MFHAS1: variants seen among roughly 807,000 people sequenced by gnomAD.
MFHAS1 encodes the protein malignant fibrous histiocytoma-amplified sequence 1.
In MFHAS1, 50 loss-of-function variants were observed where a neutral mutation model predicts 70.4. The observed-to-expected ratio is 0.71, with a 90% CI of 0.57 to 0.90. The LOEUF (loss-of-function observed/expected upper bound fraction) is 0.90. Ranked by LOEUF, MFHAS1 falls within the 40% of genes least tolerant of loss-of-function variation. The pLI, the probability that MFHAS1 is intolerant of heterozygous loss-of-function variation, is 0.00. For missense variants in MFHAS1, 1,795 were observed against 1,347.6 expected, an observed-to-expected ratio of 1.33 and a Z score of -5.20; for synonymous variants, 952 against 620.0, an observed-to-expected ratio of 1.54 and a Z score of -7.96.
intron 1 of MFHAS1, among the ~76,000 whole-genome samples, chr8:8,879,631 T>G (rs1443802802): frequency 1.3e-5 from 2 of 151,988 alleles, no homozygotes; most frequent in Non-Finnish European, 2.9e-5. Flanking sequence ...TCTGGAAAAA[T>G]CAAAAGCCAG....
intron 1 of MFHAS1, among the ~76,000 whole-genome samples, chr8:8,826,381 C>T (rs776133050): frequency 2.0e-5 from 3 of 152,032 alleles, no homozygotes; most frequent in Non-Finnish European, 2.9e-5. Context: ...AAATTTTTGC[C>T]TTGACAGATT....
chr8:8,889,541 T>C (rs1173194225), intron 1 of MFHAS1, among the ~76,000 whole-genome samples: 1 of 152,262 alleles, frequency 6.6e-6, no homozygotes, highest in African/African-American at 2.4e-5. Flanking sequence ...CTGATTTCTA[T>C]GCATTGCATG....
At position 8,892,266 on chromosome 8, in the gene MFHAS1, G is replaced by A. The variant is rs1810091127; in HGVS notation, c.793C>T (p.Leu265=). 2 of 1,612,240 alleles carry A rather than the reference G, an allele frequency of 1.2e-6. No individual in the cohort carries two copies. Among genetic ancestry groups the A allele is most frequent in the African/African-American group, 1.3e-5 (1 of 74,936 alleles). ...LMLDNNGLQA[L]PAQFSCLQRL... is the part of the protein sequence containing the mutation. ...TGCAGGCAGCTGAACTGGGCGGGCA[G>A]AGCCTGCAGCCCGTTGTTGTCTAGC... is the stretch of plus-strand genomic sequence containing the variant. The change falls in exon 1 of 3, where the codon CTG becomes TTG. Residue 265 remains leucine, a synonymous_variant. Coordinates refer to ENST00000276282, the MANE Select transcript of MFHAS1 (RefSeq NM_004225.3). The surrounding 1 kb of genome is among the most constrained non-coding windows in gnomAD (Gnocchi z 4.7).
intron 1 of MFHAS1, among the ~76,000 whole-genome samples, chr8:8,875,496 G>C (rs1184666111): frequency 3.9e-5 from 6 of 152,142 alleles, no homozygotes; most frequent in Non-Finnish European, 7.3e-5. Flanking sequence ...TAAAACCTAA[G>C]CTTAAGGAGG....
At chr8:8,870,245 G>A (rs537438471) in intron 1 of MFHAS1, among the ~76,000 whole-genome samples, 161 of 149,992 alleles carry the variant, frequency 1.1e-3, no homozygotes, top group African/African-American at 3.3e-3. Context: ...CTTAAGCACA[G>A]GAGTTCAAGA....
In MFHAS1 at chr8:8,893,437, G is replaced by C. The variant is rs1810182384; in HGVS notation, c.-379C>G. 6.9e-6 allele frequency: 1 copy of C among 145,966 alleles called. No homozygotes were observed. The highest frequency in any genetic ancestry group is 1.5e-5 in the Non-Finnish European group (1 of 65,634). The allele number at this position is 145,966 out of a possible 1,614,324, so 9.0% of individuals were successfully genotyped here. On this transcript the variant is annotated 5_prime_UTR_variant, in exon 1 of 3. Coordinates refer to ENST00000276282, the MANE Select transcript of MFHAS1 (RefSeq NM_004225.3). ...CCCTCGCAGCCGCGGTCCCGCGGCCGGCAGCGGCGTCGCCTCCTCGAGCTC... is the reference window on the plus strand; with the variant it reads ...CCCTCGCAGCCGCGGTCCCGCGGCCCGCAGCGGCGTCGCCTCCTCGAGCTC...
chr8:8,824,521 T>TCACACACACACACA (rs57194505), intron 1 of MFHAS1, among the ~76,000 whole-genome samples: 4 of 145,912 alleles, frequency 2.7e-5, no homozygotes, highest in East Asian at 2.0e-4. Flanking sequence ...TCTCTCTCTT[T>TCACACACACACACA]CACACACACA....
At chr8:8,788,790 C>T (rs181430198) in intron 2 of MFHAS1, among the ~76,000 whole-genome samples, 27 of 152,334 alleles carry the variant, frequency 1.8e-4, no homozygotes, top group Admixed American at 7.8e-4. Context: ...TTGGCCTCAG[C>T]GACCAATGGG....
chr8:8,866,595 G>C (rs924390881), intron 1 of MFHAS1, among the ~76,000 whole-genome samples: 1 of 152,148 alleles, frequency 6.6e-6, no homozygotes, highest in African/African-American at 2.4e-5. Flanking sequence ...TGGGATTACA[G>C]GCATGAGCCA....
At chr8:8,877,246 G>A (rs1460914758) in intron 1 of MFHAS1, among the ~76,000 whole-genome samples, 1 of 136,046 alleles carries the variant, frequency 7.4e-6, no homozygotes, top group Non-Finnish European at 1.5e-5. Context: ...GCTTTAGTGA[G>A]CTGTGACTGT....
At chr8:8,870,550 T>C (rs1355545981) in intron 1 of MFHAS1, among the ~76,000 whole-genome samples, 2 of 152,122 alleles carry the variant, frequency 1.3e-5, no homozygotes, top group South Asian at 2.1e-4. Flanking sequence ...TGCCAGTAAT[T>C]TGTACAGCCC....
intron 1 of MFHAS1, among the ~76,000 whole-genome samples, chr8:8,885,385 C>T (rs1440895286): frequency 6.6e-6 from 1 of 152,162 alleles, no homozygotes; most frequent in Non-Finnish European, 1.5e-5. Flanking sequence ...CACTAAGACA[C>T]ACTCTTCCAA....
At chr8:8,845,488 G>A (rs1585048251) in intron 1 of MFHAS1, among the ~76,000 whole-genome samples, 1 of 152,196 alleles carries the variant, frequency 6.6e-6, no homozygotes, top group Admixed American at 6.5e-5. Flanking sequence ...CTGTGAGGCT[G>A]CCGGAAACAG....
intron 1 of MFHAS1, among the ~76,000 whole-genome samples, chr8:8,811,311 A>C (rs1806537551): frequency 1.5e-5 from 2 of 136,486 alleles, no homozygotes; most frequent in Admixed American, 1.4e-4. Context: ...CCAGAATAAA[A>C]ATTTTTTTTT....
intron 1 of MFHAS1, among the ~76,000 whole-genome samples, chr8:8,881,099 G>A (rs1043357695): frequency 5.3e-5 from 8 of 152,062 alleles, no homozygotes; most frequent in African/African-American, 9.7e-5. Context: ...CTGCTCCAAC[G>A]TGCACTTTTT....
rs757496547 is a variant in MFHAS1, at chr8:8,891,848, G to A, written c.1211C>T (p.Pro404Leu). The A allele has an allele frequency of 1.9e-6, 3 of 1,612,832 alleles. No individual in the cohort carries two copies. The highest frequency in any genetic ancestry group is 3.3e-5 in the Admixed American group (2 of 59,998). The change falls in exon 1 of 3, where the codon CCG becomes CTG. Residue 404 changes from proline to leucine, a missense_variant. Coordinates refer to ENST00000276282, the MANE Select transcript of MFHAS1 (RefSeq NM_004225.3). This position sits in a 1 kb window ranked among gnomAD's most constrained non-coding sequence, Gnocchi z 5.4. ...AYQKELAHSQ[P>L]AVQPRLKLLL... ...CAGCTTGAGCCGGGGCTGCACCGCC[G>A]GCTGGGAATGAGCCAGTTCCTTCTG...
intron 2 of MFHAS1, among the ~76,000 whole-genome samples, chr8:8,794,965 G>A (rs929889262): frequency 2.0e-5 from 3 of 152,136 alleles, no homozygotes; most frequent in South Asian, 2.1e-4. Flanking sequence ...GAAGCCCATG[G>A]GAAAACACTG....
At chr8:8,821,116 T>C (rs1806937863) in intron 1 of MFHAS1, among the ~76,000 whole-genome samples, 1 of 152,080 alleles carries the variant, frequency 6.6e-6, no homozygotes. Flanking sequence ...GGTCTGCAGG[T>C]CCAACGGCCA....
At chr8:8,874,795 T>G (rs1181608371) in intron 1 of MFHAS1, among the ~76,000 whole-genome samples, 3 of 150,180 alleles carry the variant, frequency 2.0e-5, no homozygotes, top group Non-Finnish European at 3.0e-5. Context: ...ACGTTAAAGG[T>G]TTTTAAAGCA....
Sources: allele counts gnomAD v4.1 joint callset (sites outside exome capture counted in the v4.1 genomes callset), GRCh38; gene constraint gnomAD v4.1.1; non-coding constraint Gnocchi (gnomAD v3.1); transcripts MANE v1.5; gene names NCBI Gene and HGNC (gene_info 2026-07-23, HGNC 2026-07-21).